PALM: variants seen among roughly 807,000 people sequenced by gnomAD.
The protein encoded by PALM is paralemmin.
In PALM, 18 loss-of-function variants were observed where a neutral mutation model predicts 30.7. That is an observed-to-expected ratio of 0.59 (90% confidence interval 0.41 to 0.87). The LOEUF (loss-of-function observed/expected upper bound fraction) is 0.87, where lower values mean the gene tolerates loss of function less well. Among genes scored for constraint, PALM ranks in the 40% least tolerant of loss-of-function variants. The pLI is 0.00. For missense variants in PALM, 529 were observed against 555.4 expected (o/e 0.95, Z 0.48); for synonymous variants, 286 against 242.8 (o/e 1.18, Z -1.66).
chr19:746,787 C>T lies in PALM; in HGVS notation c.1137C>T (p.His379=), dbSNP rs760803293. Residue 379 remains histidine, a synonymous_variant, in exon 9 of 9, where the codon CAC becomes CAT. Coordinates refer to ENST00000338448, the MANE Select transcript of PALM (RefSeq NM_002579.3). The surrounding 1 kb of genome is among the most constrained non-coding windows in gnomAD (Gnocchi z 7.1). Reference sequence around the variant, plus strand: ...CCCAGGACCTCGACATGAAGAAGCACCGTTGTAAATGCTGCTCCATCATGT... The same window carrying T: ...CCCAGGACCTCGACATGAAGAAGCATCGTTGTAAATGCTGCTCCATCATGT... ...SDPQDLDMKK[H]RCKCCSIM 19 of 1,572,740 alleles carry T rather than the reference C, an allele frequency of 1.2e-5. No individual in the cohort carries two copies. The highest frequency in any genetic ancestry group is 1.7e-4 in the Middle Eastern group (1 of 6,006).
intron 1 of PALM, among the ~76,000 whole-genome samples, chr19:712,924 G>A (rs1305397271): frequency 2.6e-5 from 4 of 152,064 alleles, no homozygotes; most frequent in Non-Finnish European, 5.9e-5. Flanking sequence ...GATCCGCCCA[G>A]CTGGGCCTCC....
At position 746,971 on chromosome 19, in the gene PALM, G is replaced by A. The variant is rs1441397256; in HGVS notation, c.*157G>A. 1.6e-6 allele frequency: 1 copy of A among 617,102 alleles called. No homozygotes were observed. Among genetic ancestry groups the A allele is most frequent in the Non-Finnish European group, 2.8e-6 (1 of 353,660 alleles). The allele number at this position is 617,102 out of a possible 1,614,324, so 38.2% of individuals were successfully genotyped here. ...CGAGTTTTCTTTCGCTGGAAAGAGG[G>A]ACAGGGGCCCCCACCCGTCACCACG... On this transcript the variant is annotated 3_prime_UTR_variant, in exon 9 of 9. Coordinates refer to ENST00000338448, the MANE Select transcript of PALM (RefSeq NM_002579.3). The surrounding 1 kb of genome is among the most constrained non-coding windows in gnomAD (Gnocchi z 7.1).
intron 7 of PALM, 82 bp downstream of exon 7, chr19:736,160 G>C: frequency 1.1e-6 from 1 of 918,356 alleles, no homozygotes; most frequent in Non-Finnish European, 1.7e-6. Flanking sequence ...GGGTGGGGCG[G>C]GGGCGACACC....
chr19:727,929 G>C (rs2032742446), intron 4 of PALM: 1 of 534,056 alleles, frequency 1.9e-6, no homozygotes, highest in Non-Finnish European at 3.3e-6. Flanking sequence ...GTGGCCTCAG[G>C]CAGGGAGATA....
At chr19:744,117 T>C (rs1265862287) in intron 8 of PALM, among the ~76,000 whole-genome samples, 1 of 152,172 alleles carries the variant, frequency 6.6e-6, no homozygotes, top group Non-Finnish European at 1.5e-5. Context: ...ATGAATAACA[T>C]TGGCCGGGCA....
intron 6 of PALM, 102 bp downstream of exon 6, chr19:734,296 A>G (rs1192876618): frequency 8.8e-7 from 1 of 1,135,650 alleles, no homozygotes; most frequent in Non-Finnish European, 1.3e-6. Context: ...TCGGTGCCTC[A>G]CGCCTGTGAT....
chr19:713,908 CTTTTTTTTTTTT>C lies in PALM; in HGVS notation c.5+4760_5+4771del, dbSNP rs200551039. On this transcript the variant is annotated intron_variant, in intron 1 of 8. Transcript: ENST00000338448. ...ATGTTCTTTTTTTCTTTCTTTCTTT[CTTTTTTTTTTTT>C]TTGAGACAGAGTCTCGCTCTGTCAC... Among the ~76,000 whole-genome samples, 8 of 123,784 alleles carry C rather than the reference CTTTTTTTTTTTT, an allele frequency of 6.5e-5. No individual in the cohort carries two copies. The Admixed American group carries it at 6.6e-4, about 10-fold the overall frequency. The allele number at this position is 123,784 out of a possible 152,430, so 81.2% of individuals were successfully genotyped here.
chr19:740,232 C>T (rs1599165648), intron 7 of PALM, 120 bp from the exon 8 acceptor site: 1 of 1,001,086 alleles, frequency 1.0e-6, no homozygotes, highest in African/African-American at 1.6e-5. Flanking sequence ...CCCGGCTCCG[C>T]CTGCCCCATC....
At chr19:741,930 T>A (rs1342886083) in intron 8 of PALM, among the ~76,000 whole-genome samples, 2 of 152,176 alleles carry the variant, frequency 1.3e-5, no homozygotes, top group Non-Finnish European at 2.9e-5. Flanking sequence ...CACTGCAGCC[T>A]CCAGCTCCTG....
chr19:727,734 C>T, intron 4 of PALM, 40 bp downstream of exon 4: 2 of 1,502,216 alleles, frequency 1.3e-6, no homozygotes, highest in Non-Finnish European at 1.8e-6. Flanking sequence ...CTGGGTGGGG[C>T]CTCGGGGGCC....
rs760429894 is a variant in PALM, at chr19:736,041, C to T, written c.465C>T (p.Pro155=). ...CAGACAAGCGAGTCTCCAACACGCC[C>T]CTGAGGACGGTTGACGGCTCCCCCA... The part of the protein sequence containing the change: ...TPKDKRVSNT[P]LRTVDGSPMM... Residue 155 remains proline (P), a synonymous_variant, in exon 7 of 9, where the codon CCC becomes CCT. Transcript: ENST00000338448. The T allele has an allele frequency of 6.2e-7, 1 of 1,610,956 alleles. No homozygotes were observed. The highest frequency in any genetic ancestry group is 2.2e-5 in the East Asian group (1 of 44,642).
chr19:711,489 C>T (rs528102099), intron 1 of PALM, among the ~76,000 whole-genome samples: 2 of 152,298 alleles, frequency 1.3e-5, no homozygotes, highest in East Asian at 3.9e-4. Context: ...GGAAAGTCTC[C>T]GTTGGGTGCT....
At chr19:743,117 A>G (rs2033238216) in intron 8 of PALM, among the ~76,000 whole-genome samples, 1 of 152,070 alleles carries the variant, frequency 6.6e-6, no homozygotes, top group South Asian at 2.1e-4. Context: ...TGGATTCCCA[A>G]AGCCTTCTGT....
intron 1 of PALM, chr19:719,689 C>A (rs2032392487): frequency 2.2e-6 from 2 of 909,368 alleles, no homozygotes; most frequent in African/African-American, 3.6e-5. Context: ...CCTCCGCTTC[C>A]TTCCGTGACC....
At chr19:725,999 G>A in intron 1 of PALM, 139 bp from the exon 2 acceptor site, 1 of 712,634 alleles carries the variant, frequency 1.4e-6, no homozygotes, top group Non-Finnish European at 2.5e-6. Flanking sequence ...CCACTTTACA[G>A]AAGGGGAAAC....
intron 4 of PALM, among the ~76,000 whole-genome samples, chr19:730,324 C>G (rs183448013): frequency 6.6e-6 from 1 of 152,320 alleles, no homozygotes; most frequent in Non-Finnish European, 1.5e-5. Flanking sequence ...GTCCTGTCCT[C>G]AGGCTGAGGC....
chr19:712,049 G>A (rs924381008), intron 1 of PALM, among the ~76,000 whole-genome samples: 1 of 149,894 alleles, frequency 6.7e-6, no homozygotes, highest in East Asian at 1.9e-4. Flanking sequence ...TGGAGACAGA[G>A]TATCTCTCTG....
chr19:723,587 TG>T (rs2032565598), intron 1 of PALM, among the ~76,000 whole-genome samples: 1 of 151,966 alleles, frequency 6.6e-6, no homozygotes, highest in South Asian at 2.1e-4. Flanking sequence ...TTTTTCTTTT[TG>T]TTGTTTTGTT....
rs2144938834 is a variant in PALM, at chr19:746,673, A to G, written c.1023A>G (p.Ala341=). The G allele has an allele frequency of 1.9e-6, 3 of 1,611,204 alleles. No individual in the cohort carries two copies. Among genetic ancestry groups the G allele is most frequent in the Non-Finnish European group, 2.5e-6 (3 of 1,179,346 alleles). ...ACGCGGCTGAGCCCAAGGAGCCTGC[A>G]CCACCCAACGGCAGTGCTGCCGAGC... ...IEDAAEPKEP[A]PPNGSAAEPP... The change falls in exon 9 of 9, where the codon GCA becomes GCG. Residue 341 remains alanine (A), a synonymous_variant. Transcript: ENST00000338448. The surrounding 1 kb of genome is among the most constrained non-coding windows in gnomAD (Gnocchi z 7.1).
Sources: gnomAD v4.1 joint callset for allele counts (sites outside exome capture counted in the v4.1 genomes callset) on GRCh38, gnomAD v4.1.1 for gene constraint, Gnocchi (gnomAD v3.1) non-coding constraint, MANE v1.5 for transcripts, NCBI Gene and HGNC (gene_info 2026-07-23, HGNC 2026-07-21) for gene names.